Variants in NOX4 observed in about 807,000 individuals in gnomAD.
NOX4 encodes the protein NADPH oxidase 4.
Under a neutral mutation model 87.6 loss-of-function variants are expected in NOX4, and 69 were observed. The ratio of observed to expected loss-of-function variants is 0.79; its 90% CI spans 0.65 to 0.96. The LOEUF is 0.96. Ranked by LOEUF, NOX4 falls within the 40% of genes least tolerant of loss-of-function variation. The pLI is 0.00. For missense variants in NOX4, 680 were observed against 681.5 expected (o/e 1.00, Z 0.02); for synonymous variants, 275 against 238.2 (o/e 1.15, Z -1.42).
chr11:89,560,996 C>CTATATATATATATATATA, the NOX4 span, among the ~76,000 whole-genome samples: 1 of 40,822 alleles, frequency 2.4e-5, no homozygotes. Context: ...CTCTCTCTCT[C>CTATATATATATATATATA]TATATATATA....
the NOX4 span, among the ~76,000 whole-genome samples, chr11:89,584,990 T>G: frequency 6.6e-6 from 1 of 152,092 alleles, no homozygotes; most frequent in Non-Finnish European, 1.5e-5. Context: ...TTTGGTATAA[T>G]TACTTCTATT....
chr11:89,435,511 C>T (rs1944039401), intron 6 of NOX4, among the ~76,000 whole-genome samples: 1 of 151,984 alleles, frequency 6.6e-6, no homozygotes, highest in African/African-American at 2.4e-5. Flanking sequence ...ATAACCATTC[C>T]TTAAAAAGTC....
the NOX4 span, among the ~76,000 whole-genome samples, chr11:89,570,589 T>C: frequency 2.0e-5 from 3 of 152,194 alleles, no homozygotes; most frequent in South Asian, 4.1e-4. Context: ...TCCCAACACT[T>C]TGAGAGGCTA....
chr11:89,357,929 C>A (rs769732128), intron 12 of NOX4, among the ~76,000 whole-genome samples: 1 of 149,752 alleles, frequency 6.7e-6, no homozygotes, highest in African/African-American at 2.4e-5. Context: ...TGTGTGCATA[C>A]ACACACACAC....
chr11:89,402,689 T>A, intron 8 of NOX4, 147 bp from the exon 9 acceptor site: 1 of 687,446 alleles, frequency 1.5e-6, no homozygotes, highest in South Asian at 2.0e-5. Flanking sequence ...ATGTATTATG[T>A]TTAGGAGAAA....
intron 2 of NOX4, among the ~76,000 whole-genome samples, chr11:89,485,227 T>C (rs759965124): frequency 6.6e-6 from 1 of 152,108 alleles, no homozygotes; most frequent in Non-Finnish European, 1.5e-5. Context: ...CTCAAGAGCA[T>C]AGATATTTCA....
chr11:89,534,790 G>A, the NOX4 span, among the ~76,000 whole-genome samples: 1 of 152,208 alleles, frequency 6.6e-6, no homozygotes, highest in Non-Finnish European at 1.5e-5. Context: ...GGGATGTGAT[G>A]CTTTGGCAAG....
chr11:89,577,471 A>G, the NOX4 span: 1 of 152,170 alleles, frequency 6.6e-6, no homozygotes, highest in Non-Finnish European at 1.5e-5. Flanking sequence ...CTATTTGAAG[A>G]TCTTTTATTA....
the NOX4 span, among the ~76,000 whole-genome samples, chr11:89,528,647 A>G: frequency 2.6e-4 from 40 of 152,164 alleles, no homozygotes; most frequent in African/African-American, 9.7e-4. Flanking sequence ...TGCCTTGTGA[A>G]GAAGGTACCT....
chr11:89,465,597 A>G lies in NOX4; in HGVS notation c.154-13702T>C, dbSNP rs551526073. Among the ~76,000 whole-genome samples the G allele has an allele frequency of 5.7e-4, 87 of 152,280 alleles. 1 individual carries two copies. Among genetic ancestry groups the G allele is most frequent in the African/African-American group, 1.9e-3 (81 of 41,560 alleles). On this transcript the variant is annotated intron_variant, in intron 2 of 17. Transcript: ENST00000263317. ...GTTGAACTAATTTACACTCTCACCAACAGTCTAAAAGCATTCTATTTCTCC... is the reference window on the plus strand; with the variant it reads ...GTTGAACTAATTTACACTCTCACCAGCAGTCTAAAAGCATTCTATTTCTCC...
chr11:89,523,967 TC>T, the NOX4 span, among the ~76,000 whole-genome samples: 1 of 152,058 alleles, frequency 6.6e-6, no homozygotes, highest in Non-Finnish European at 1.5e-5. Flanking sequence ...ACAAAACAGA[TC>T]AGCAGCTCCC....
chr11:89,560,817 C>G, the NOX4 span, among the ~76,000 whole-genome samples: 2 of 151,098 alleles, frequency 1.3e-5, no homozygotes, highest in African/African-American at 2.4e-5. Context: ...AGGCCTTTAG[C>G]CTCAGATTGA....
Position 89,433,941 on chromosome 11 carries a change from C to T in NOX4, c.476-1085G>A, listed in dbSNP as rs180686262. 6.4e-3 allele frequency among the ~76,000 whole-genome samples: 978 copies of T among 152,082 alleles called. 16 individuals carry two copies. The highest frequency in any genetic ancestry group is 6.2e-3 in the Non-Finnish European group (420 of 67,958). On this transcript the variant is annotated intron_variant, in intron 6 of 17. Transcript: ENST00000263317. ...ATTGTATTATTACAAAATTAAATAT[C>T]CTGTCAATAAGTTACATTTGTTTAC... is the stretch of plus-strand genomic sequence containing the variant.
At chr11:89,336,197 G>A (rs1171635537) in intron 16 of NOX4, 1 of 295,824 alleles carries the variant, frequency 3.4e-6, no homozygotes, top group Non-Finnish European at 6.2e-6. Context: ...CTGGTAAAAA[G>A]GTAGAAAAAT....
the NOX4 span, among the ~76,000 whole-genome samples, chr11:89,549,212 G>A: frequency 6.6e-6 from 1 of 152,082 alleles, no homozygotes; most frequent in Non-Finnish European, 1.5e-5. Context: ...TATAAAAAAT[G>A]TCACTGTGTG....
rs752194717 is a variant in NOX4, at chr11:89,490,530, G to A, written c.81C>T (p.Val27=). 1.3e-5 allele frequency: 21 copies of A among 1,613,804 alleles called. No homozygotes were observed. The Admixed American group carries it at 2.2e-4, about 17-fold the overall frequency. ...GCAAGAAGGTTTTCCAGAAAAGCAGGACATTCATGGAGAGCCAGATGAACT... is the reference window on the plus strand; with the variant it reads ...GCAAGAAGGTTTTCCAGAAAAGCAGAACATTCATGGAGAGCCAGATGAACT... The part of the protein sequence containing the change: ...LCLFIWLSMN[V]LLFWKTFLLY... Residue 27 remains valine (V), a synonymous_variant, in exon 2 of 18, where the codon GTC becomes GTT. Transcript: ENST00000263317.
At chr11:89,514,033 C>T in the NOX4 span, among the ~76,000 whole-genome samples, 1,319 of 152,066 alleles carry the variant, frequency 8.7e-3, 21 homozygotes, top group Middle Eastern at 0.021. Flanking sequence ...AATTTCTATT[C>T]ATTATAAATT....
intron 17 of NOX4, among the ~76,000 whole-genome samples, chr11:89,334,101 T>C (rs1170365963): frequency 1.3e-5 from 2 of 151,708 alleles, no homozygotes; most frequent in East Asian, 1.9e-4. Flanking sequence ...GGTTTCTGAA[T>C]TCAGCCAAAG....
In NOX4 at chr11:89,379,693, T is replaced by C. The variant is rs181892761; in HGVS notation, c.1075-6201A>G. 1.1e-3 allele frequency among the ~76,000 whole-genome samples: 174 copies of C among 152,280 alleles called. 9 individuals are homozygous for C. The East Asian group carries it at 0.023, about 20-fold the overall frequency. Reference sequence around the variant, plus strand: ...TCTCAGTTAATGAAATTCCAGTTGCTCGGACCAAAAACTCTGGGGTCAGCC... The same window carrying C: ...TCTCAGTTAATGAAATTCCAGTTGCCCGGACCAAAAACTCTGGGGTCAGCC... On this transcript the variant is annotated intron_variant, in intron 11 of 17. Coordinates refer to ENST00000263317, the MANE Select transcript of NOX4 (RefSeq NM_016931.5).
Sources: allele counts gnomAD v4.1 joint callset (sites outside exome capture counted in the v4.1 genomes callset), GRCh38; gene constraint gnomAD v4.1.1; transcripts MANE v1.5; gene names NCBI Gene and HGNC (gene_info 2026-07-23, HGNC 2026-07-21).